PRKCQ: variants seen among roughly 807,000 people sequenced by gnomAD.
The protein encoded by PRKCQ is protein kinase C theta type.
PRKCQ carries 41 observed loss-of-function variants against 91.2 expected under a neutral mutation model. The ratio of observed to expected loss-of-function variants is 0.45; its 90% CI spans 0.35 to 0.58. PRKCQ has a LOEUF of 0.58. PRKCQ is among the 20% of genes least tolerant of loss of function. The probability of loss-of-function intolerance (pLI) is 0.00; values close to 1 mark genes in which losing one functional copy is unlikely to be tolerated. For missense variants in PRKCQ, 673 were observed against 896.5 expected (o/e 0.75, Z 3.18); for synonymous variants, 307 against 316.9 (o/e 0.97, Z 0.33).
intron 15 of PRKCQ, among the ~76,000 whole-genome samples, chr10:6,446,096 T>C (rs1273616236): frequency 1.3e-5 from 2 of 152,148 alleles, no homozygotes; most frequent in South Asian, 4.1e-4. Flanking sequence ...TCAGGAATAC[T>C]GATATGTGTT....
intron 4 of PRKCQ, among the ~76,000 whole-genome samples, chr10:6,503,768 A>G (rs1309657472): frequency 1.3e-5 from 2 of 152,096 alleles, no homozygotes; most frequent in African/African-American, 4.8e-5. Flanking sequence ...TACATTTTTA[A>G]GGATTAATTA....
rs1838502494 is a variant in PRKCQ at position 6,512,035 on chromosome 10, T to A, written c.119-841A>T. 3 of 152,258 alleles carry A rather than the reference T, an allele frequency of 2.0e-5. 1 individual carries two copies. The highest frequency in any genetic ancestry group is 6.5e-5 in the Admixed American group (1 of 15,282). 9.4% of individuals were successfully genotyped at this position (152,258 alleles called of 1,614,324 possible). On this transcript the variant is annotated intron_variant, in intron 2 of 17. Transcript: ENST00000263125. ...TAATCTGTAGTGTTGATCCTATGAC[T>A]GATTAACCTCACTGGCCCCAGCTTA...
chr10:6,487,560 T>A (rs545374014), intron 8 of PRKCQ, among the ~76,000 whole-genome samples: 9 of 152,296 alleles, frequency 5.9e-5, no homozygotes, highest in African/African-American at 2.2e-4. Flanking sequence ...AGTATTCTGA[T>A]TCATGAATCT....
intron 1 of PRKCQ, among the ~76,000 whole-genome samples, chr10:6,572,468 A>G (rs1841081958): frequency 6.6e-6 from 1 of 152,114 alleles, no homozygotes; most frequent in African/African-American, 2.4e-5. Context: ...CCCACTTATA[A>G]GTGAGAACAT....
Position 6,430,500 on chromosome 10 carries a change from A to G in PRKCQ, c.1965+310T>C, listed in dbSNP as rs2132224924. On this transcript the variant is annotated intron_variant, in intron 17 of 17. Transcript: ENST00000263125. This position sits in a 1 kb window ranked among gnomAD's most constrained non-coding sequence, Gnocchi z 4.7. Reference sequence around the variant, plus strand: ...TAAGTACGTATGTGTCATGTGCACAACCCCCATCTTGTTTAATAGTCACCC... The same window carrying G: ...TAAGTACGTATGTGTCATGTGCACAGCCCCCATCTTGTTTAATAGTCACCC... 6.6e-6 allele frequency among the ~76,000 whole-genome samples: 1 copy of G among 152,278 alleles called. No homozygotes were observed. The highest frequency in any genetic ancestry group is 1.9e-4 in the East Asian group (1 of 5,184).
chr10:6,556,232 C>A (rs1052220162), intron 1 of PRKCQ, among the ~76,000 whole-genome samples: 2 of 151,920 alleles, frequency 1.3e-5, no homozygotes, highest in Non-Finnish European at 2.9e-5. Context: ...GGGTTAGAGA[C>A]CAGCCTGGGC....
At chr10:6,549,462 G>A (rs1421994866) in intron 1 of PRKCQ, among the ~76,000 whole-genome samples, 1 of 152,074 alleles carries the variant, frequency 6.6e-6, no homozygotes, top group African/African-American at 2.4e-5. Context: ...ACTGGAGTGA[G>A]GGCAGGGAAT....
chr10:6,547,449 A>T (rs1308603856), intron 1 of PRKCQ, among the ~76,000 whole-genome samples: 2 of 152,106 alleles, frequency 1.3e-5, no homozygotes, highest in African/African-American at 4.8e-5. Flanking sequence ...AAAAGAACAA[A>T]GCTGGAGGCA....
chr10:6,413,197 C>T, the PRKCQ span, among the ~76,000 whole-genome samples: 1 of 152,104 alleles, frequency 6.6e-6, no homozygotes, highest in African/African-American at 2.4e-5. Context: ...TGTGATCAGC[C>T]CGCCTAGGCC....
chr10:6,439,061 G>A (rs1833838816), intron 16 of PRKCQ, among the ~76,000 whole-genome samples: 1 of 152,222 alleles, frequency 6.6e-6, no homozygotes, highest in East Asian at 1.9e-4. Flanking sequence ...ACACTGTGGA[G>A]AATATTTCGC....
At chr10:6,486,002 T>C in intron 9 of PRKCQ, 33 bp downstream of exon 9, 2 of 1,574,278 alleles carry the variant, frequency 1.3e-6, no homozygotes, top group South Asian at 1.1e-5. Context: ...TGAGCGGCCA[T>C]GGCGGGAACG....
At chr10:6,490,683 T>G (rs1042784805) in intron 8 of PRKCQ, among the ~76,000 whole-genome samples, 13 of 152,076 alleles carry the variant, frequency 8.5e-5, no homozygotes, top group African/African-American at 2.7e-4. Flanking sequence ...AAGTCAAGTC[T>G]GCAGTGAGCT....
downstream of PRKCQ, among the ~76,000 whole-genome samples, chr10:6,423,947 A>G (rs1372722841): frequency 6.6e-6 from 1 of 151,714 alleles, no homozygotes; most frequent in Admixed American, 6.6e-5. Flanking sequence ...CTATTCACCC[A>G]CTCACTCAAC....
intron 12 of PRKCQ, among the ~76,000 whole-genome samples, chr10:6,477,189 A>G (rs1836314204): frequency 6.6e-6 from 1 of 152,074 alleles, no homozygotes; most frequent in Non-Finnish European, 1.5e-5. Context: ...CAGCTCTGGT[A>G]CTTTGTGTCT....
downstream of PRKCQ, among the ~76,000 whole-genome samples, chr10:6,425,874 G>A (rs577292285): frequency 4.4e-4 from 67 of 152,240 alleles, no homozygotes; most frequent in Admixed American, 7.9e-4. Flanking sequence ...TAAAAGTTGC[G>A]TTGGTTCCTG....
chr10:6,452,969 C>T (rs1447694216), intron 15 of PRKCQ, among the ~76,000 whole-genome samples: 1 of 150,344 alleles, frequency 6.7e-6, no homozygotes, highest in Non-Finnish European at 1.5e-5. Flanking sequence ...CCATAAAAAC[C>T]CTAGAAGAAA....
chr10:6,426,378 T>C (rs752100084), downstream of PRKCQ, among the ~76,000 whole-genome samples: 11 of 152,180 alleles, frequency 7.2e-5, no homozygotes, highest in Non-Finnish European at 1.5e-4. Context: ...TGCCCTCCAC[T>C]GGCCCATCCA....
At chr10:6,448,651 C>T (rs889772850) in intron 15 of PRKCQ, among the ~76,000 whole-genome samples, 4 of 152,192 alleles carry the variant, frequency 2.6e-5, no homozygotes, top group African/African-American at 4.8e-5. Context: ...TCATGATCCA[C>T]CCGCCTCAGC....
the PRKCQ span, among the ~76,000 whole-genome samples, chr10:6,419,046 T>C: frequency 1.3e-5 from 2 of 151,620 alleles, no homozygotes; most frequent in African/African-American, 4.8e-5. Flanking sequence ...ATCATCCATC[T>C]ATCTCTATCT....
Sources: gnomAD v4.1 joint callset for allele counts (sites outside exome capture counted in the v4.1 genomes callset) on GRCh38, gnomAD v4.1.1 for gene constraint, Gnocchi (gnomAD v3.1) non-coding constraint, MANE v1.5 for transcripts, NCBI Gene and HGNC (gene_info 2026-07-23, HGNC 2026-07-21) for gene names.